FBLN1: variants seen among roughly 807,000 people sequenced by gnomAD.
FBLN1 encodes the protein fibulin-1.
FBLN1 carries 34 observed loss-of-function variants against 89.7 expected under a neutral mutation model. The observed-to-expected ratio is 0.38, with a 90% CI of 0.29 to 0.50. FBLN1 has a LOEUF of 0.50. Ranked by LOEUF, FBLN1 falls within the 20% of genes least tolerant of loss-of-function variation. The pLI, the probability that FBLN1 is intolerant of heterozygous loss-of-function variation, is 0.92. For synonymous variants in FBLN1, 393 were observed against 391.3 expected (o/e 1.00, Z -0.05); for missense variants, 777 against 988.1 (o/e 0.79, Z 2.86).
In FBLN1 at chr22:45,562,316, G is replaced by A. The variant is rs2088857814; in HGVS notation, c.1697+11701G>A. Among the ~76,000 whole-genome samples the A allele has an allele frequency of 1.3e-5, 2 of 152,306 alleles. No individual in the cohort carries two copies. The highest frequency in any genetic ancestry group is 6.5e-5 in the Admixed American group (1 of 15,298). ...ACCTCAATGGCTGAGTAGCGATATG[G>A]CTCCCTCACTCACTCTGTGACCTTG... On this transcript the variant is annotated intron_variant, in intron 14 of 16. Transcript: ENST00000327858. The surrounding 1 kb of genome is among the most constrained non-coding windows in gnomAD (Gnocchi z 7.8).
intron 1 of FBLN1, among the ~76,000 whole-genome samples, chr22:45,516,157 G>T (rs1265797761): frequency 6.6e-6 from 1 of 152,172 alleles, no homozygotes; most frequent in African/African-American, 2.4e-5. Context: ...TGGGAGGTGG[G>T]CTAGGATAGG....
At chr22:45,528,598 G>C (rs1233454620) in intron 4 of FBLN1, among the ~76,000 whole-genome samples, 1 of 152,090 alleles carries the variant, frequency 6.6e-6, no homozygotes, top group Non-Finnish European at 1.5e-5. Context: ...ACCTGCCTCA[G>C]CTTCCCAAAG....
At chr22:45,523,556 T>C (rs1415295823) in intron 2 of FBLN1, among the ~76,000 whole-genome samples, 2 of 152,082 alleles carry the variant, frequency 1.3e-5, no homozygotes, top group Non-Finnish European at 2.9e-5. Flanking sequence ...TATAAAAAAT[T>C]AGCTGGGCAT....
At chr22:45,569,588 G>T (rs889572053) in intron 14 of FBLN1, among the ~76,000 whole-genome samples, 1 of 151,940 alleles carries the variant, frequency 6.6e-6, no homozygotes, top group Non-Finnish European at 1.5e-5. Context: ...GCAGTGAGCC[G>T]AGATCATGCC....
chr22:45,546,321 A>G (rs2088626638), intron 11 of FBLN1, among the ~76,000 whole-genome samples: 2 of 152,090 alleles, frequency 1.3e-5, no homozygotes, highest in African/African-American at 4.8e-5. Flanking sequence ...TGTTCAAGCA[A>G]TTCTCCTGCT....
chr22:45,518,142 A>AT (rs397708509), intron 1 of FBLN1, among the ~76,000 whole-genome samples: 18 of 150,054 alleles, frequency 1.2e-4, no homozygotes, highest in Admixed American at 4.0e-4. Context: ...AAAAAAAAAA[A>AT]GAAAAAAAAA....
chr22:45,579,758 C>G lies in FBLN1; in HGVS notation c.1972+2650C>G, dbSNP rs2089027546. On this transcript the variant is annotated intron_variant, in intron 16 of 16. Transcript: ENST00000327858. The surrounding 1 kb of genome is among the most constrained non-coding windows in gnomAD (Gnocchi z 5.5). Reference sequence around the variant, plus strand: ...GGCTCCTGTCTCTGTCCCCACTGCGCTGATCTTATTTCTCTGTCTGAGATC... The same window carrying G: ...GGCTCCTGTCTCTGTCCCCACTGCGGTGATCTTATTTCTCTGTCTGAGATC... Among the ~76,000 whole-genome samples the G allele has an allele frequency of 6.6e-6, 1 of 152,158 alleles. No homozygotes were observed. Among genetic ancestry groups the G allele is most frequent in the Non-Finnish European group, 1.5e-5 (1 of 68,018 alleles).
chr22:45,527,464 A>G (rs1038021169), intron 3 of FBLN1, among the ~76,000 whole-genome samples: 5 of 152,166 alleles, frequency 3.3e-5, no homozygotes, highest in African/African-American at 4.8e-5. Context: ...CAGACCATGC[A>G]AAAGGAACAG....
rs997554595 is a variant in FBLN1, at chr22:45,580,898, C to T, written c.1972+3790C>T. ...TTAGCGGGGATCGAGGAGCCCGCAG[C>T]AGGGCCCGCGCCGTCGTCTTTGTAA... is the stretch of plus-strand genomic sequence containing the variant. On this transcript the variant is annotated intron_variant, in intron 16 of 16. Transcript: ENST00000327858. The surrounding 1 kb of genome is among the most constrained non-coding windows in gnomAD (Gnocchi z 8.6). Among the ~76,000 whole-genome samples, 1 of 152,264 alleles carries T rather than the reference C, an allele frequency of 6.6e-6. No individual in the cohort carries two copies. Among genetic ancestry groups the T allele is most frequent in the Non-Finnish European group, 1.5e-5 (1 of 68,050 alleles).
chr22:45,570,096 GA>G (rs2088938119), intron 14 of FBLN1, among the ~76,000 whole-genome samples: 1 of 151,826 alleles, frequency 6.6e-6, no homozygotes. Context: ...GAGGCAGGTG[GA>G]TCACCTGAGG....
chr22:45,594,012 T>A (rs973923912), intron 16 of FBLN1, among the ~76,000 whole-genome samples: 1 of 152,086 alleles, frequency 6.6e-6, no homozygotes. Context: ...CCAGGTGACA[T>A]AGGGGGTCCA....
chr22:45,522,360 A>C (rs2088262817), intron 2 of FBLN1, among the ~76,000 whole-genome samples: 1 of 152,190 alleles, frequency 6.6e-6, no homozygotes, highest in African/African-American at 2.4e-5. Flanking sequence ...TCATTCAACA[A>C]ATCTTTATTG....
chr22:45,510,260 C>T (rs1482570161), intron 1 of FBLN1, among the ~76,000 whole-genome samples: 2 of 152,110 alleles, frequency 1.3e-5, no homozygotes, highest in South Asian at 2.1e-4. Context: ...TAGATGGAAT[C>T]GGGCCGGCTT....
At position 45,530,428 on chromosome 22, in the gene FBLN1, C is replaced by T. The variant is rs951814303; in HGVS notation, c.485-837C>T. On this transcript the variant is annotated intron_variant, in intron 4 of 16. Coordinates refer to ENST00000327858, the MANE Select transcript of FBLN1 (RefSeq NM_006486.3). The surrounding 1 kb of genome is among the most constrained non-coding windows in gnomAD (Gnocchi z 5.4). ...CCTCTGGGAGGGCTTCCTGTCTTCA[C>T]AGCCGCACCTTCCTCCCACTGCTAC... 6.6e-6 allele frequency among the ~76,000 whole-genome samples: 1 copy of T among 152,170 alleles called. No homozygotes were observed. The highest frequency in any genetic ancestry group is 1.5e-5 in the Non-Finnish European group (1 of 68,026).
At position 45,575,111 on chromosome 22, in the gene FBLN1, G is replaced by T. The variant is rs1276276196; in HGVS notation, c.1840+458G>T. 3.9e-5 allele frequency among the ~76,000 whole-genome samples: 6 copies of T among 152,106 alleles called. No homozygotes were observed. The highest frequency in any genetic ancestry group is 8.8e-5 in the Non-Finnish European group (6 of 68,020). ...GACATGCAGAACTTTCTTTGTGTCT[G>T]TGTCCCCCCCACACCCACCTGGCAC... On this transcript the variant is annotated intron_variant, in intron 15 of 16. Coordinates refer to ENST00000327858, the MANE Select transcript of FBLN1 (RefSeq NM_006486.3). This position sits in a 1 kb window ranked among gnomAD's most constrained non-coding sequence, Gnocchi z 6.3.
chr22:45,521,321 C>T (rs1303311224), intron 2 of FBLN1, among the ~76,000 whole-genome samples: 8 of 152,208 alleles, frequency 5.3e-5, no homozygotes, highest in Admixed American at 2.6e-4. Flanking sequence ...CCCTGAAACA[C>T]GTGGCTCAAT....
rs1046579864 is a variant in FBLN1 at position 45,537,408 on chromosome 22, C to G, written c.922+2071C>G. On this transcript the variant is annotated intron_variant, in intron 8 of 16. Coordinates refer to ENST00000327858, the MANE Select transcript of FBLN1 (RefSeq NM_006486.3). This position sits in a 1 kb window ranked among gnomAD's most constrained non-coding sequence, Gnocchi z 5.7. ...CCAAGGCGGGTGGATCACTTGAGGT[C>G]AGGAGTTCGAGACCAGCCTGACCAA... Among the ~76,000 whole-genome samples, 1 of 152,092 alleles carries G rather than the reference C, an allele frequency of 6.6e-6. No individual in the cohort carries two copies. The highest frequency in any genetic ancestry group is 1.5e-5 in the Non-Finnish European group (1 of 68,022).
At chr22:45,529,182 ACCT>A (rs1385630691) in intron 4 of FBLN1, among the ~76,000 whole-genome samples, 1 of 152,016 alleles carries the variant, frequency 6.6e-6, no homozygotes, top group African/African-American at 2.4e-5. Flanking sequence ...CTGGCCTTCC[ACCT>A]CCTGGCCAGT....
Position 45,601,119 on chromosome 22 carries a change from CTT to C in FBLN1, c.*675_*676del, listed in dbSNP as rs1920926998. On this transcript the variant is annotated 3_prime_UTR_variant, in exon 17 of 17. Coordinates refer to ENST00000327858, the MANE Select transcript of FBLN1 (RefSeq NM_006486.3). ...TTCTTATAGGTGGGAAAATAAACAACTTTGTGATCCTCCTGATGGCCTGTGCA... is the reference window on the plus strand; with the variant it reads ...TTCTTATAGGTGGGAAAATAAACAACTGTGATCCTCCTGATGGCCTGTGCA... 6.4e-6 allele frequency: 1 copy of C among 156,126 alleles called. No homozygotes were observed. Among genetic ancestry groups the C allele is most frequent in the Non-Finnish European group, 1.4e-5 (1 of 70,668 alleles). 9.7% of individuals were successfully genotyped at this position (156,126 alleles called of 1,614,324 possible).
Sources: gnomAD v4.1 joint callset for allele counts (sites outside exome capture counted in the v4.1 genomes callset) on GRCh38, gnomAD v4.1.1 for gene constraint, Gnocchi (gnomAD v3.1) non-coding constraint, MANE v1.5 for transcripts, NCBI Gene and HGNC (gene_info 2026-07-23, HGNC 2026-07-21) for gene names.